The following WWP2 variants were observed in gnomAD, a reference collection of about 807,000 sequenced individuals.
The protein encoded by WWP2 is WW domain containing E3 ubiquitin protein ligase 2.
A neutral mutation model predicts 121.0 loss-of-function variants in WWP2; 57 were observed. That is an observed-to-expected ratio of 0.47 (90% CI 0.38 to 0.59). The LOEUF is 0.59. Among genes scored for constraint, WWP2 ranks in the 20% least tolerant of loss-of-function variants. The pLI is 0.00. For missense variants in WWP2, 962 were observed against 1,158.9 expected (o/e 0.83, Z 2.47); for synonymous variants, 449 against 441.3 (o/e 1.02, Z -0.22).
chr16:69,881,673 A>C (rs75905191), intron 7 of WWP2, among the ~76,000 whole-genome samples: 1 of 152,162 alleles, frequency 6.6e-6, no homozygotes, highest in African/African-American at 2.4e-5. Flanking sequence ...AAACAAAAAG[A>C]ACCTGTGGTT....
chr16:69,886,849 C>T (rs181598647), intron 7 of WWP2, among the ~76,000 whole-genome samples: 67 of 152,314 alleles, frequency 4.4e-4, no homozygotes, highest in Non-Finnish European at 8.1e-4. Context: ...AAGAAACGTT[C>T]ACGAAGAATC....
intron 10 of WWP2, among the ~76,000 whole-genome samples, chr16:69,921,616 T>G (rs2058563168): frequency 6.6e-6 from 1 of 152,186 alleles, no homozygotes; most frequent in South Asian, 2.1e-4. Flanking sequence ...TCGTGTATCT[T>G]TTCGTTTGCT....
At chr16:69,801,181 T>TC (rs2056157147) in intron 4 of WWP2, among the ~76,000 whole-genome samples, 1 of 138,232 alleles carries the variant, frequency 7.2e-6, no homozygotes, top group Non-Finnish European at 1.5e-5. Context: ...AGAGCAAGTC[T>TC]TAAAAAAAAA....
intron 7 of WWP2, among the ~76,000 whole-genome samples, chr16:69,874,855 A>C (rs190291098): frequency 6.6e-6 from 1 of 152,172 alleles, no homozygotes; most frequent in East Asian, 1.9e-4. Flanking sequence ...TAGTTTTCTC[A>C]TTTATAAAAT....
At position 69,869,037 on chromosome 16, in the gene WWP2, C is replaced by T. The variant is rs115528080; in HGVS notation, c.576-2767C>T. 7.6e-3 allele frequency among the ~76,000 whole-genome samples: 1,151 copies of T among 152,276 alleles called. 16 individuals are homozygous for T. Among genetic ancestry groups the T allele is most frequent in the African/African-American group, 0.025 (1,043 of 41,558 alleles). On this transcript the variant is annotated intron_variant, in intron 6 of 23. Transcript: ENST00000359154. ...TGAAGTAGCTGGGATTATAAGCGCTCACCACCATGCCTGGCTAATTTTGTA... is the reference window on the plus strand; with the variant it reads ...TGAAGTAGCTGGGATTATAAGCGCTTACCACCATGCCTGGCTAATTTTGTA...
chr16:69,879,519 T>C (rs1276328770), intron 7 of WWP2, among the ~76,000 whole-genome samples: 2 of 152,262 alleles, frequency 1.3e-5, no homozygotes, highest in Non-Finnish European at 2.9e-5. Context: ...GTGGCATTTT[T>C]GATTCATCCA....
At chr16:69,929,321 CT>C (rs1597175822) in intron 11 of WWP2, 126 bp from the exon 12 acceptor site, 1 of 808,602 alleles carries the variant, frequency 1.2e-6, no homozygotes, top group East Asian at 2.7e-5. Flanking sequence ...TTGGCTGGTT[CT>C]TCTCTAACAG....
At chr16:69,771,794 C>T (rs1289364196) in intron 1 of WWP2, among the ~76,000 whole-genome samples, 8 of 151,770 alleles carry the variant, frequency 5.3e-5, no homozygotes, top group African/African-American at 1.5e-4. Flanking sequence ...GACCCAAGTG[C>T]GGGAAGGTGA....
At chr16:69,825,430 A>C (rs528594043) in intron 4 of WWP2, among the ~76,000 whole-genome samples, 1 of 151,522 alleles carries the variant, frequency 6.6e-6, no homozygotes, top group Non-Finnish European at 1.5e-5. Flanking sequence ...TCTCCAAAAA[A>C]AAAAAACCCC....
chr16:69,831,826 C>CTT (rs1567691338), intron 4 of WWP2, among the ~76,000 whole-genome samples: 1 of 146,326 alleles, frequency 6.8e-6, no homozygotes. Flanking sequence ...AAAAACAAAA[C>CTT]CTTTTTTTTT....
intron 9 of WWP2, among the ~76,000 whole-genome samples, chr16:69,912,361 A>T (rs953429590): frequency 1.7e-5 from 2 of 115,100 alleles, no homozygotes; most frequent in Non-Finnish European, 3.3e-5. Context: ...TTGTGCAGGG[A>T]GTTAGATTCA....
chr16:69,798,951 C>T, intron 3 of WWP2, 122 bp downstream of exon 3: 1 of 1,426,380 alleles, frequency 7.0e-7, no homozygotes, highest in Admixed American at 2.2e-5. Context: ...CTATGGTACC[C>T]AAGGTGACTC....
At chr16:69,931,668 C>T (rs1391963068) in intron 15 of WWP2, 88 bp downstream of exon 15, 5 of 1,588,552 alleles carry the variant, frequency 3.1e-6, no homozygotes, top group South Asian at 1.1e-5. Flanking sequence ...TAAACCCACA[C>T]TGCAGACTTT....
At chr16:69,922,738 T>TAA (rs756111653) in intron 10 of WWP2, among the ~76,000 whole-genome samples, 359 of 152,368 alleles carry the variant, frequency 2.4e-3, no homozygotes, top group Non-Finnish European at 3.7e-3. Flanking sequence ...TCTGGCTTTA[T>TAA]TTTTCAAGTT....
chr16:69,829,097 C>T (rs1247744303), intron 4 of WWP2, among the ~76,000 whole-genome samples: 1 of 150,138 alleles, frequency 6.7e-6, no homozygotes, highest in Non-Finnish European at 1.5e-5. Flanking sequence ...TCTTCGATAC[C>T]CGACCCCTCT....
chr16:69,781,860 C>T (rs367939643), intron 1 of WWP2, among the ~76,000 whole-genome samples: 8 of 152,072 alleles, frequency 5.3e-5, no homozygotes, highest in South Asian at 2.1e-4. Context: ...TAGAGAGAAA[C>T]GTGAGGGGCT....
intron 16 of WWP2, 25 bp from the exon 17 acceptor site, chr16:69,933,945 G>A: frequency 6.2e-7 from 1 of 1,610,016 alleles, no homozygotes; most frequent in Non-Finnish European, 8.5e-7. Flanking sequence ...CATTATTCTT[G>A]TCTTTTCTGT....
intron 1 of WWP2, among the ~76,000 whole-genome samples, chr16:69,771,697 C>T (rs2055418941): frequency 6.6e-6 from 1 of 152,078 alleles, no homozygotes; most frequent in South Asian, 2.1e-4. Flanking sequence ...CTCTTTTTCT[C>T]TCTGTTTGTT....
intron 2 of WWP2, among the ~76,000 whole-genome samples, chr16:69,797,580 A>C (rs2056073512): frequency 6.6e-6 from 1 of 152,096 alleles, no homozygotes; most frequent in Admixed American, 6.6e-5. Context: ...TATTATCTTT[A>C]TTTATTTCAG....
Sources: allele counts gnomAD v4.1 joint callset (sites outside exome capture counted in the v4.1 genomes callset), GRCh38; gene constraint gnomAD v4.1.1; transcripts MANE v1.5; gene names NCBI Gene and HGNC (gene_info 2026-07-23, HGNC 2026-07-21).